The following ATRN variants were observed in gnomAD, a reference collection of about 807,000 sequenced individuals.
The protein encoded by ATRN is attractin.
ATRN carries 54 observed loss-of-function variants against 178.7 expected under a neutral mutation model. That is an observed-to-expected ratio of 0.30 (90% CI 0.24 to 0.38). The LOEUF is 0.38. Among genes scored for constraint, ATRN ranks in the 10% least tolerant of loss-of-function variants. ATRN has a pLI of 1.00. For synonymous variants in ATRN, 636 were observed against 663.0 expected (o/e 0.96, Z 0.63); for missense variants, 1,443 against 1,815.1 (o/e 0.79, Z 3.73).
intron 27 of ATRN, among the ~76,000 whole-genome samples, chr20:3,639,542 C>T (rs1004818547): frequency 3.3e-5 from 5 of 152,032 alleles, no homozygotes. Context: ...TGTGAACCAC[C>T]GCACCCAGCC....
At chr20:3,510,273 C>T (rs759235348) in intron 1 of ATRN, among the ~76,000 whole-genome samples, 7 of 152,156 alleles carry the variant, frequency 4.6e-5, no homozygotes, top group Non-Finnish European at 8.8e-5. Context: ...CAGAGGTCAA[C>T]AAACATTTTC....
chr20:3,586,119 C>A (rs532918403), intron 18 of ATRN, among the ~76,000 whole-genome samples: 5 of 152,322 alleles, frequency 3.3e-5, no homozygotes, highest in African/African-American at 1.2e-4. Flanking sequence ...CTTATAGCAT[C>A]ATTCTTCATA....
intron 1 of ATRN, among the ~76,000 whole-genome samples, chr20:3,532,273 C>T (rs2085465098): frequency 6.6e-6 from 1 of 152,018 alleles, no homozygotes; most frequent in African/African-American, 2.4e-5. Flanking sequence ...TATATTAGGC[C>T]CCAAGACAAA....
At chr20:3,633,031 A>G (rs1039707509) in intron 25 of ATRN, among the ~76,000 whole-genome samples, 12 of 152,264 alleles carry the variant, frequency 7.9e-5, no homozygotes, top group African/African-American at 2.9e-4. Flanking sequence ...TCAGGAGGCT[A>G]AAAGAGGAGA....
chr20:3,597,198 A>G (rs532144244), intron 21 of ATRN, among the ~76,000 whole-genome samples: 1 of 151,902 alleles, frequency 6.6e-6, no homozygotes, highest in Admixed American at 6.6e-5. Flanking sequence ...TAAAAATTTA[A>G]AACTTGTAGG....
Position 3,471,240 on chromosome 20 carries a change from G to A in ATRN, c.133G>A (p.Ala45Thr), listed in dbSNP as rs957427849. The change falls in exon 1 of 29, where the codon GCC becomes ACC. Residue 45 changes from alanine (A) to threonine (T), a missense_variant. By Grantham distance (58) the Ala-to-Thr change is moderately conservative (BLOSUM62 0). Around this residue, in one of 4 missense-constraint regions of ATRN, gnomAD observed 862 missense variants for 972.1 expected, o/e 0.89. Coordinates refer to ENST00000262919, the MANE Select transcript of ATRN (RefSeq NM_139321.3). The stretch of plus-strand genomic sequence containing the variant: ...CAGGGCTGGGAGGCCGGGGCTGGGG[G>A]CCGGGCTGCGCCTCCCGCGGCTGCT... ...VTRAGRPGLGAGLRLPRLLSP... is the reference protein window; with the variant it reads ...VTRAGRPGLGTGLRLPRLLSP... The A allele has an allele frequency of 2.1e-6, 3 of 1,444,498 alleles. No individual in the cohort carries two copies. The highest frequency in any genetic ancestry group is 5.5e-5 in the Admixed American group (2 of 36,158). The allele number at this position is 1,444,498 out of a possible 1,614,324, so 89.5% of individuals were successfully genotyped here.
At position 3,547,322 on chromosome 20, in the gene ATRN, A is replaced by G; in HGVS notation, c.776A>G (p.Glu259Gly). Residue 259 changes from glutamate (E) to glycine (G), a missense_variant, in exon 5 of 29, where the codon GAG (glutamate) becomes GGG (glycine). This residue lies in a region of ATRN where 862 missense variants were observed against 972.1 expected (regional missense o/e 0.89). Transcript: ENST00000262919. ...CCAAATAACTGCTCAGGCCGAGGAG[A>G]GTGTAAGATCAGTAATAGCAGCGAT... Reference protein sequence around the residue: ...MCPNNCSGRGECKISNSSDTV... With the variant: ...MCPNNCSGRGGCKISNSSDTV... 1 of 1,614,048 alleles carries G rather than the reference A, an allele frequency of 6.2e-7. No homozygotes were observed. Among genetic ancestry groups the G allele is most frequent in the Non-Finnish European group, 8.5e-7 (1 of 1,179,976 alleles).
intron 1 of ATRN, among the ~76,000 whole-genome samples, chr20:3,516,334 G>A (rs1190748849): frequency 6.6e-6 from 1 of 152,084 alleles, no homozygotes; most frequent in African/African-American, 2.4e-5. Context: ...ATAAGAGTAA[G>A]CAGAGAGTTG....
chr20:3,553,729 C>G (rs1414211841), intron 6 of ATRN, among the ~76,000 whole-genome samples: 1 of 152,188 alleles, frequency 6.6e-6, no homozygotes, highest in Admixed American at 6.5e-5. Flanking sequence ...GTGTGTTTGC[C>G]CTTCCCTTGG....
Position 3,547,388 on chromosome 20 carries a change from C to T in ATRN, c.842C>T (p.Ala281Val), listed in dbSNP as rs906713102. 3.7e-6 allele frequency: 6 copies of T among 1,613,464 alleles called. No individual in the cohort carries two copies. The highest frequency in any genetic ancestry group is 5.1e-6 in the Non-Finnish European group (6 of 1,179,478). The change falls in exon 5 of 29, where the codon GCA becomes GTA. Residue 281 changes from alanine (A) to valine (V), a missense_variant. Transcript: ENST00000262919. ...CECSENWKGE[A>V]CDIPHCTDNC... is the part of the protein sequence containing the mutation. ...TGTTCTGAAAACTGGAAAGGTGAAG[C>T]ATGTGACATTCCTCACTGTACAGAC... is the stretch of plus-strand genomic sequence containing the variant.
At chr20:3,561,549 T>C (rs1177220631) in intron 8 of ATRN, among the ~76,000 whole-genome samples, 1 of 152,118 alleles carries the variant, frequency 6.6e-6, no homozygotes, top group African/African-American at 2.4e-5. Context: ...CCTTTAGAGA[T>C]TGGTTTAGTG....
intron 1 of ATRN, among the ~76,000 whole-genome samples, chr20:3,481,147 T>A (rs575928828): frequency 1.3e-5 from 2 of 152,282 alleles, no homozygotes; most frequent in South Asian, 4.1e-4. Context: ...CTTTCTATAC[T>A]TCAAACTGCT....
At chr20:3,556,787 ATG>A (rs1397074884) in intron 6 of ATRN, among the ~76,000 whole-genome samples, 1 of 151,638 alleles carries the variant, frequency 6.6e-6, no homozygotes, top group Non-Finnish European at 1.5e-5. Context: ...TTCTTGTCTT[ATG>A]TTTTTTTTTC....
At chr20:3,552,015 T>C in intron 6 of ATRN, among the ~76,000 whole-genome samples, 1 of 152,242 alleles carries the variant, frequency 6.6e-6, no homozygotes, top group East Asian at 1.9e-4. Context: ...TTAGTTCTTA[T>C]CTTACTTGAT....
intron 24 of ATRN, among the ~76,000 whole-genome samples, chr20:3,617,373 A>G (rs961501502): frequency 5.3e-5 from 8 of 152,326 alleles, no homozygotes; most frequent in Admixed American, 1.3e-4. Flanking sequence ...GGTCTGGGGA[A>G]TGCTTCAAAA....
At chr20:3,636,060 G>A (rs1295327867) in intron 26 of ATRN, among the ~76,000 whole-genome samples, 11 of 152,210 alleles carry the variant, frequency 7.2e-5, no homozygotes. Context: ...TAGACCCAGG[G>A]AGTTTCAAGG....
chr20:3,534,791 CTG>C (rs981309474), intron 1 of ATRN, among the ~76,000 whole-genome samples: 9 of 152,002 alleles, frequency 5.9e-5, no homozygotes, highest in African/African-American at 2.2e-4. Flanking sequence ...TCGTGAGACT[CTG>C]TTTCTACAAA....
chr20:3,582,164 C>G lies in ATRN; in HGVS notation c.2574C>G (p.Gly858=), dbSNP rs2086290690. 8 of 1,614,170 alleles carry G rather than the reference C, an allele frequency of 5.0e-6. No homozygotes were observed. The highest frequency in any genetic ancestry group is 6.8e-6 in the Non-Finnish European group (8 of 1,180,004). Reference sequence around the variant, plus strand: ...AGCTCACCTTAACCCCATGGGTCGGCCTTCGGAAGATCAATGTGTCCTACT... The same window carrying G: ...AGCTCACCTTAACCCCATGGGTCGGGCTTCGGAAGATCAATGTGTCCTACT... ...MSKLTLTPWV[G]LRKINVSYWC... Residue 858 remains glycine (G), a synonymous_variant, in exon 16 of 29, where the codon GGC becomes GGG. Coordinates refer to ENST00000262919, the MANE Select transcript of ATRN (RefSeq NM_139321.3).
At chr20:3,478,652 T>G (rs1343623881) in intron 1 of ATRN, among the ~76,000 whole-genome samples, 1 of 152,118 alleles carries the variant, frequency 6.6e-6, no homozygotes, top group African/African-American at 2.4e-5. Flanking sequence ...ATCTGCACGT[T>G]CTGCACATAT....
Sources: gnomAD v4.1 joint callset for allele counts (sites outside exome capture counted in the v4.1 genomes callset) on GRCh38, gnomAD v4.1.1 for gene constraint, gnomAD v4.1.1 regional missense constraint, MANE v1.5 for transcripts, NCBI Gene and HGNC (gene_info 2026-07-23, HGNC 2026-07-21) for gene names.